F5: variants seen among roughly 807,000 people sequenced by gnomAD.
F5 encodes coagulation factor V.
A neutral mutation model predicts 216.4 loss-of-function variants in F5; 138 were observed. The ratio of observed to expected loss-of-function variants is 0.64; its 90% CI spans 0.56 to 0.73. The LOEUF is 0.73. F5 is among the 30% of genes least tolerant of loss of function. The probability of loss-of-function intolerance (pLI) is 0.00; values close to 1 mark genes in which losing one functional copy is unlikely to be tolerated. For synonymous variants in F5, 916 were observed against 930.7 expected, an observed-to-expected ratio of 0.98 and a Z score of 0.29; for missense variants, 2,403 against 2,674.0, an observed-to-expected ratio of 0.90 and a Z score of 2.24.
At chr1:169,517,624 A>G (rs1345194498) in intron 23 of F5, among the ~76,000 whole-genome samples, 1 of 152,170 alleles carries the variant, frequency 6.6e-6, no homozygotes, top group Non-Finnish European at 1.5e-5. Flanking sequence ...AAAATGAGTC[A>G]AATATTAAGA....
chr1:169,586,151 A>C, intron 1 of F5, 78 bp downstream of exon 1: 5 of 1,533,028 alleles, frequency 3.3e-6, no homozygotes, highest in Non-Finnish European at 4.5e-6. Flanking sequence ...AAGCCATGAC[A>C]TTGCAAAGGG....
chr1:169,554,011 A>T (rs6427198), intron 7 of F5, among the ~76,000 whole-genome samples: 80,376 of 151,576 alleles, frequency 0.53, 21,480 homozygotes, highest in East Asian at 0.66. Flanking sequence ...ACACTCCTGG[A>T]TTCCTATCTC....
At chr1:169,529,501 T>C (rs1659538340) in intron 16 of F5, 107 bp downstream of exon 16, 1 of 1,007,690 alleles carries the variant, frequency 9.9e-7, no homozygotes, top group Non-Finnish European at 1.5e-6. Flanking sequence ...TAGCTCTGGG[T>C]GTCTCAGAAG....
At chr1:169,579,667 A>G (rs1213534124) in intron 2 of F5, among the ~76,000 whole-genome samples, 1 of 152,220 alleles carries the variant, frequency 6.6e-6, no homozygotes, top group Non-Finnish European at 1.5e-5. Context: ...CTTGAAGTCC[A>G]TAACAATTCC....
chr1:169,534,677 A>C (rs1659666498), intron 14 of F5, among the ~76,000 whole-genome samples: 1 of 152,062 alleles, frequency 6.6e-6, no homozygotes, highest in African/African-American at 2.4e-5. Flanking sequence ...CAAAAAAAAA[A>C]AAAAGAAAGA....
chr1:169,566,703 T>A (rs762498767), intron 3 of F5, among the ~76,000 whole-genome samples: 1 of 152,062 alleles, frequency 6.6e-6, no homozygotes, highest in Non-Finnish European at 1.5e-5. Context: ...TCATTTATAA[T>A]TTAAGATAAT....
intron 21 of F5, among the ~76,000 whole-genome samples, chr1:169,522,615 G>A (rs1466728805): frequency 6.6e-6 from 1 of 152,060 alleles, no homozygotes; most frequent in Non-Finnish European, 1.5e-5. Context: ...ATAATGGCAG[G>A]CAGACTCCTT....
At chr1:169,551,884 G>A (rs574272217) in intron 8 of F5, among the ~76,000 whole-genome samples, 12 of 152,232 alleles carry the variant, frequency 7.9e-5, no homozygotes, top group African/African-American at 2.9e-4. Context: ...CTTGATACAT[G>A]GAGTTTACCT....
intron 3 of F5, among the ~76,000 whole-genome samples, chr1:169,571,820 A>G (rs1380840128): frequency 6.6e-6 from 1 of 152,220 alleles, no homozygotes; most frequent in African/African-American, 2.4e-5. Context: ...TAAAAGGCAG[A>G]GTTGAGTACT....
chr1:169,545,536 C>T (rs555426059), intron 11 of F5, among the ~76,000 whole-genome samples: 19 of 152,126 alleles, frequency 1.2e-4, no homozygotes, highest in East Asian at 1.9e-4. Flanking sequence ...TTTTAAATTA[C>T]GCATGTAGCT....
intron 3 of F5, among the ~76,000 whole-genome samples, chr1:169,562,809 C>A (rs111321535): frequency 6.6e-6 from 1 of 151,976 alleles, no homozygotes; most frequent in Admixed American, 6.6e-5. Context: ...ATATACCCCA[C>A]AATAAATTGT....
intron 14 of F5, among the ~76,000 whole-genome samples, chr1:169,533,039 A>C (rs1659625495): frequency 1.3e-5 from 2 of 152,200 alleles, no homozygotes; most frequent in Admixed American, 6.6e-5. Context: ...CACATAGGCC[A>C]ATGAAACAGA....
intron 2 of F5, among the ~76,000 whole-genome samples, chr1:169,572,961 T>A (rs894459821): frequency 2.7e-5 from 4 of 150,818 alleles, no homozygotes; most frequent in Non-Finnish European, 5.9e-5. Context: ...TCTTTTTTTT[T>A]TTGAGATGGA....
intron 6 of F5, among the ~76,000 whole-genome samples, chr1:169,556,356 G>A (rs1660324802): frequency 8.1e-6 from 1 of 123,848 alleles, no homozygotes; most frequent in East Asian, 2.5e-4. Flanking sequence ...ATATCTCTAT[G>A]TATGCATTTG....
chr1:169,531,032 G>C lies in F5; in HGVS notation c.4972-10C>G. 1 of 1,593,978 alleles carries C rather than the reference G, an allele frequency of 6.3e-7. No individual in the cohort carries two copies. Among genetic ancestry groups the C allele is most frequent in the Non-Finnish European group, 8.6e-7 (1 of 1,165,020 alleles). ...AATTTTTAAAACGAACCTAGGAAAA[G>C]GAATGATCCACAAATGTACTTAAGC... is the stretch of plus-strand genomic sequence containing the variant. On this transcript the variant is annotated splice_polypyrimidine_tract_variant and intron_variant, in intron 14 of 24. Transcript: ENST00000367797.
rs565987060 is a variant in F5 at position 169,541,010 on chromosome 1, G to A, written c.4080C>T (p.Asp1360=). The A allele has an allele frequency of 4.4e-6, 7 of 1,591,558 alleles. No homozygotes were observed. The South Asian group carries it at 4.4e-5, about 10-fold the overall frequency. ...PALGQMPLSP[D]PSHTTLSLDL... ...CTAGAGAAAGGGTTGTATGGCTGGG[G>A]TCTGGAGAAAGGGGCATCTGACCGA... Residue 1360 remains aspartate (D), a synonymous_variant, in exon 13 of 25, where the codon GAC becomes GAT. Transcript: ENST00000367797.
At chr1:169,585,262 G>C (rs1191062717) in intron 1 of F5, among the ~76,000 whole-genome samples, 1 of 152,110 alleles carries the variant, frequency 6.6e-6, no homozygotes, top group East Asian at 1.9e-4. Context: ...GTTACAATGA[G>C]AGTTTTAAAA....
At chr1:169,546,180 T>TACACACAC (rs3835453) in intron 11 of F5, among the ~76,000 whole-genome samples, 6 of 141,194 alleles carry the variant, frequency 4.2e-5, no homozygotes, top group African/African-American at 1.5e-4. Flanking sequence ...TATGTCTGTG[T>TACACACAC]ACACACACAC....
chr1:169,586,382 A>T lies in F5; in HGVS notation c.5T>A (p.Phe2Tyr). ...GACCCAGAGGCGTGGGCAGCCTGGG[A>T]ACATGCTTCCTTTCCTGCTCCCGCT... MFPGCPRLWVLV... is the reference protein window; with the variant it reads MYPGCPRLWVLV... Residue 2 changes from phenylalanine (F) to tyrosine (Y), a missense_variant, in exon 1 of 25, where the codon TTC (phenylalanine) becomes TAC (tyrosine). Physicochemically the swap from Phe to Tyr is conservative, Grantham distance 22. Transcript: ENST00000367797. 6.2e-7 allele frequency: 1 copy of T among 1,612,936 alleles called. No individual in the cohort carries two copies. Among genetic ancestry groups the T allele is most frequent in the Non-Finnish European group, 8.5e-7 (1 of 1,179,870 alleles).
Sources: gnomAD v4.1 joint callset for allele counts (sites outside exome capture counted in the v4.1 genomes callset) on GRCh38, gnomAD v4.1.1 for gene constraint, MANE v1.5 for transcripts, NCBI Gene and HGNC (gene_info 2026-07-23, HGNC 2026-07-21) for gene names.